Variants in SLC14A2 observed in about 807,000 individuals in gnomAD.
SLC14A2 encodes solute carrier family 14 member 2.
A neutral mutation model predicts 104.6 loss-of-function variants in SLC14A2; 91 were observed. That is an observed-to-expected ratio of 0.87 (90% CI 0.73 to 1.04). SLC14A2 has a LOEUF of 1.04. Ranked by LOEUF, SLC14A2 falls within the 50% of genes least tolerant of loss-of-function variation. The pLI, the probability that SLC14A2 is intolerant of heterozygous loss-of-function variation, is 0.00. For missense variants in SLC14A2, 1,189 were observed against 1,156.0 expected (o/e 1.03, Z -0.41); for synonymous variants, 476 against 466.4 (o/e 1.02, Z -0.27).
At chr18:45,558,438 C>T (rs770327832) in intron 2 of SLC14A2, among the ~76,000 whole-genome samples, 21 of 152,174 alleles carry the variant, frequency 1.4e-4, no homozygotes, top group Non-Finnish European at 2.1e-4. Flanking sequence ...AGAGGAATGG[C>T]ACTGGTAAGG....
intron 2 of SLC14A2, among the ~76,000 whole-genome samples, chr18:45,588,976 G>T (rs1186562949): frequency 1.7e-3 from 3 of 1,800 alleles, no homozygotes; most frequent in African/African-American, 3.1e-3. Context: ...TTGGTGGGTG[G>T]GGGGGGGTGT....
At chr18:45,549,109 G>A (rs982297924) in intron 2 of SLC14A2, among the ~76,000 whole-genome samples, 9 of 152,194 alleles carry the variant, frequency 5.9e-5, no homozygotes, top group South Asian at 4.1e-4. Flanking sequence ...ATGGATATGC[G>A]ATGCTGCTCG....
At chr18:45,589,129 A>C (rs1216616097) in intron 2 of SLC14A2, among the ~76,000 whole-genome samples, 1 of 152,192 alleles carries the variant, frequency 6.6e-6, no homozygotes, top group Non-Finnish European at 1.5e-5. Context: ...CATAACATTA[A>C]ATTACAACTC....
chr18:45,396,641 TCTTTTTTCCC>T (rs759678295), intron 1 of SLC14A2, among the ~76,000 whole-genome samples: 2,065 of 148,100 alleles, frequency 0.014, 22 homozygotes, highest in African/African-American at 0.03. Context: ...TTGTTTTTTT[TCTTTTTTCCC>T]TCTTTTTTCC....
At chr18:45,253,922 C>T (rs1229303732) in intron 1 of SLC14A2, among the ~76,000 whole-genome samples, 1 of 152,124 alleles carries the variant, frequency 6.6e-6, no homozygotes, top group Non-Finnish European at 1.5e-5. Context: ...GAAATCTGGG[C>T]AAATTATATC....
chr18:45,637,151 A>G lies in SLC14A2; in HGVS notation c.812A>G (p.Asn271Ser), dbSNP rs766963991. 4 of 1,614,068 alleles carry G rather than the reference A, an allele frequency of 2.5e-6. No individual in the cohort carries two copies. The highest frequency in any genetic ancestry group is 3.4e-6 in the Non-Finnish European group (4 of 1,180,024). The change falls in exon 6 of 20, where the codon AAT becomes AGT. Residue 271 changes from asparagine (N) to serine (S), a missense_variant. Asn to Ser is a conservative substitution (Grantham distance 46). Transcript: ENST00000255226. ...GTAGAGCCTGTGTCTTCAGTGCCCA[A>G]TATCACCTGGACAGAGATGGAAATG... ...TLVEPVSSVP[N>S]ITWTEMEMPL...
chr18:45,299,536 A>G (rs2084948210), intron 1 of SLC14A2, among the ~76,000 whole-genome samples: 1 of 151,970 alleles, frequency 6.6e-6, no homozygotes, highest in South Asian at 2.1e-4. Flanking sequence ...ATCTCAGCTT[A>G]CTTCAACCTC....
intron 1 of SLC14A2, among the ~76,000 whole-genome samples, chr18:45,367,562 C>T (rs1372222278): frequency 6.6e-6 from 1 of 152,216 alleles, no homozygotes; most frequent in East Asian, 1.9e-4. Flanking sequence ...TTAATGGCCT[C>T]ATGACCTAGC....
At chr18:45,443,734 G>A (rs1040091063) in intron 1 of SLC14A2, among the ~76,000 whole-genome samples, 1 of 152,156 alleles carries the variant, frequency 6.6e-6, no homozygotes, top group Non-Finnish European at 1.5e-5. Context: ...GCAGGTCAGA[G>A]AAAGACTTTT....
At chr18:45,247,716 T>C (rs1223569761) in intron 1 of SLC14A2, among the ~76,000 whole-genome samples, 2 of 151,826 alleles carry the variant, frequency 1.3e-5, no homozygotes, top group Non-Finnish European at 2.9e-5. Flanking sequence ...TTTTTTTTTT[T>C]TCATATTAAC....
At chr18:45,650,210 C>T (rs1242939727) in intron 10 of SLC14A2, among the ~76,000 whole-genome samples, 2 of 152,066 alleles carry the variant, frequency 1.3e-5, no homozygotes, top group Non-Finnish European at 2.9e-5. Flanking sequence ...CCAACAATAA[C>T]CTTTCTTTTC....
intron 1 of SLC14A2, among the ~76,000 whole-genome samples, chr18:45,276,027 A>G (rs1172324588): frequency 6.6e-6 from 1 of 152,244 alleles, no homozygotes; most frequent in African/African-American, 2.4e-5. Context: ...GAAATGAGCC[A>G]TGACAGATAA....
At chr18:45,403,782 GAATA>G (rs1322032900) in intron 1 of SLC14A2, among the ~76,000 whole-genome samples, 4 of 152,134 alleles carry the variant, frequency 2.6e-5, no homozygotes, top group Admixed American at 1.3e-4. Context: ...ATGAATGAAT[GAATA>G]AATGAGTGGA....
In SLC14A2 at chr18:45,407,151, T is replaced by A. The variant is rs1325946877; in HGVS notation, c.-124-76082T>A. ...CCAATATAAGGCTGTTTCATTACCA[T>A]GAAAATCTGTTGTTTAGTGTATCCA... On this transcript the variant is annotated intron_variant, in intron 1 of 20. Coordinates refer to the SLC14A2 transcript ENST00000586448. 2.0e-5 allele frequency among the ~76,000 whole-genome samples: 3 copies of A among 152,122 alleles called. No homozygotes were observed. The South Asian group carries it at 6.2e-4, about 32-fold the overall frequency.
At chr18:45,635,457 CCAGA>C (rs1361253076) in intron 5 of SLC14A2, among the ~76,000 whole-genome samples, 4 of 152,050 alleles carry the variant, frequency 2.6e-5, no homozygotes, top group Non-Finnish European at 5.9e-5. Context: ...TCATGGTAGC[CCAGA>C]CAAAGTATTT....
intron 2 of SLC14A2, among the ~76,000 whole-genome samples, chr18:45,530,930 A>G (rs1362912192): frequency 6.6e-6 from 1 of 151,546 alleles, no homozygotes; most frequent in Non-Finnish European, 1.5e-5. Context: ...GTTCCCACCT[A>G]TGAGTGAGAA....
At chr18:45,575,226 C>G (rs4890550) in intron 2 of SLC14A2, among the ~76,000 whole-genome samples, 84,878 of 151,948 alleles carry the variant, frequency 0.56, 23,814 homozygotes, top group Middle Eastern at 0.63. Context: ...TGATTCAGTC[C>G]CTGAGCTACA....
intron 1 of SLC14A2, among the ~76,000 whole-genome samples, chr18:45,419,510 A>C (rs566383754): frequency 1.1e-4 from 16 of 152,364 alleles, no homozygotes; most frequent in African/African-American, 3.8e-4. Flanking sequence ...GTGGTGGCTC[A>C]TGCCTATAAT....
chr18:45,338,682 C>CAAAAAAAAAAAAAAAAAA (rs59474827), intron 1 of SLC14A2, among the ~76,000 whole-genome samples: 1 of 51,852 alleles, frequency 1.9e-5, no homozygotes, highest in African/African-American at 7.8e-5. Flanking sequence ...CACTGGCTCA[C>CAAAAAAAAAAAAAAAAAA]AAAAAAAAAA....
Sources: gnomAD v4.1 joint callset for allele counts (sites outside exome capture counted in the v4.1 genomes callset) on GRCh38, gnomAD v4.1.1 for gene constraint, MANE v1.5 for transcripts, NCBI Gene and HGNC (gene_info 2026-07-23, HGNC 2026-07-21) for gene names.